ARHGAP32: variants seen among roughly 807,000 people sequenced by gnomAD.
The protein encoded by ARHGAP32 is Rho GTPase activating protein 32.
A neutral mutation model predicts 186.5 loss-of-function variants in ARHGAP32; 51 were observed. The ratio of observed to expected loss-of-function variants is 0.27; its 90% CI spans 0.22 to 0.35. ARHGAP32 has a LOEUF of 0.35. ARHGAP32 is among the 10% of genes least tolerant of loss of function. The probability of loss-of-function intolerance (pLI) is 1.00; values close to 1 mark genes in which losing one functional copy is unlikely to be tolerated. For synonymous variants in ARHGAP32, 950 were observed against 964.3 expected (o/e 0.99, Z 0.27); for missense variants, 2,186 against 2,623.5 (o/e 0.83, Z 3.64).
chr11:129,157,943 T>G (rs1383936067), intron 2 of ARHGAP32, among the ~76,000 whole-genome samples: 1 of 152,036 alleles, frequency 6.6e-6, no homozygotes, highest in Non-Finnish European at 1.5e-5. Context: ...TAAAAAGAAT[T>G]TTCAACCCAG....
In ARHGAP32 at chr11:128,986,681, G is replaced by A. The variant is rs1444013261; in HGVS notation, c.1299-13C>T. 31 of 1,612,738 alleles carry A rather than the reference G, an allele frequency of 1.9e-5. No homozygotes were observed. Among genetic ancestry groups the A allele is most frequent in the Non-Finnish European group, 2.4e-5 (28 of 1,179,106 alleles). ...GTCAAATTCATGGCTGACGTAGACA[G>A]AAGAGGACAAGCAAATCATTTGATT... On this transcript the variant is annotated splice_polypyrimidine_tract_variant and intron_variant, in intron 13 of 22. Transcript: ENST00000682385.
chr11:129,102,792 T>C (rs1190016348), intron 5 of ARHGAP32, among the ~76,000 whole-genome samples: 2 of 152,110 alleles, frequency 1.3e-5, no homozygotes, highest in Non-Finnish European at 2.9e-5. Flanking sequence ...GAAAAGAGAA[T>C]GGTGGTCCTC....
chr11:129,260,743 T>C (rs1278425807), intron 1 of ARHGAP32, among the ~76,000 whole-genome samples: 2 of 152,120 alleles, frequency 1.3e-5, no homozygotes, highest in Admixed American at 6.6e-5. Flanking sequence ...TCCAAAATCT[T>C]AGCACAATAA....
intron 11 of ARHGAP32, among the ~76,000 whole-genome samples, chr11:129,025,990 T>G (rs921755283): frequency 6.6e-6 from 1 of 151,676 alleles, no homozygotes; most frequent in Non-Finnish European, 1.5e-5. Context: ...TAGGAATAAC[T>G]GTATTCCACA....
Position 128,969,369 on chromosome 11 carries a change from A to C in ARHGAP32, c.5844T>G (p.Ser1948=). 2.5e-6 allele frequency: 4 copies of C among 1,614,196 alleles called. No individual in the cohort carries two copies. In the East Asian group the frequency reaches 8.9e-5, roughly 36 times the overall value. The change falls in exon 23 of 23, where the codon TCT becomes TCG. Residue 1948 remains serine, a synonymous_variant. Transcript: ENST00000682385. This position sits in a 1 kb window ranked among gnomAD's most constrained non-coding sequence, Gnocchi z 4.8. ...GVKYAASGQE[S]LRLNHKEVRL... ...TTACCTCTTTGTGGTTCAGTCTTAA[A>C]GATTCTTGCCCGGATGCAGCATATT...
chr11:128,986,429 T>C (rs1436225286), intron 14 of ARHGAP32, 95 bp downstream of exon 14: 2 of 1,360,454 alleles, frequency 1.5e-6, no homozygotes, highest in African/African-American at 2.9e-5. Context: ...CACAGAACTA[T>C]TTCTTACATG....
chr11:129,234,969 T>A (rs1944909065), intron 1 of ARHGAP32, among the ~76,000 whole-genome samples: 1 of 152,146 alleles, frequency 6.6e-6, no homozygotes, highest in African/African-American at 2.4e-5. Context: ...TCCTAATACC[T>A]GGACCCTGTA....
At position 129,068,572 on chromosome 11, in the gene ARHGAP32, A is replaced by T. The variant is rs541023584; in HGVS notation, c.532-1704T>A. ...CCAAATCCTTGCAATTCTTGGCATC[A>T]TCAGAATTTACAGCACTGCTAACCA... On this transcript the variant is annotated intron_variant, in intron 6 of 22. Transcript: ENST00000682385. 4.6e-5 allele frequency among the ~76,000 whole-genome samples: 7 copies of T among 152,206 alleles called. No individual in the cohort carries two copies. The East Asian group carries it at 1.2e-3, about 25-fold the overall frequency.
At chr11:128,987,253 GTTAA>G (rs1251219885) in intron 13 of ARHGAP32, among the ~76,000 whole-genome samples, 1 of 152,170 alleles carries the variant, frequency 6.6e-6, no homozygotes, top group Admixed American at 6.5e-5. Context: ...TCTCCAGGAG[GTTAA>G]TTAATATTCA....
intron 1 of ARHGAP32, among the ~76,000 whole-genome samples, chr11:129,167,001 G>A (rs1194463166): frequency 1.3e-5 from 2 of 152,060 alleles, no homozygotes; most frequent in Non-Finnish European, 2.9e-5. Flanking sequence ...TCAAATATAT[G>A]TTGCAGTCTC....
intron 6 of ARHGAP32, among the ~76,000 whole-genome samples, chr11:129,074,896 T>C (rs1940988444): frequency 2.0e-5 from 3 of 152,300 alleles, no homozygotes; most frequent in Non-Finnish European, 4.4e-5. Flanking sequence ...ATCATAAGTG[T>C]TCTCACCACA....
intron 1 of ARHGAP32, among the ~76,000 whole-genome samples, chr11:129,218,989 G>A (rs969230181): frequency 6.6e-5 from 10 of 152,114 alleles, no homozygotes; most frequent in Non-Finnish European, 1.3e-4. Flanking sequence ...TGAGAGCCAC[G>A]GCCAACCCTT....
chr11:128,996,616 TTTAA>T (rs1946207460), intron 12 of ARHGAP32, among the ~76,000 whole-genome samples: 2 of 151,998 alleles, frequency 1.3e-5, no homozygotes, highest in Non-Finnish European at 3.0e-5. Context: ...AAAACTGCTA[TTTAA>T]TTATCTCAGT....
intron 1 of ARHGAP32, among the ~76,000 whole-genome samples, chr11:129,258,071 T>C (rs1945277550): frequency 1.3e-5 from 2 of 152,182 alleles, no homozygotes; most frequent in Non-Finnish European, 2.9e-5. Context: ...TGTAATACAT[T>C]TCATGTTAAG....
At chr11:129,216,618 C>G (rs1944649424) in intron 1 of ARHGAP32, among the ~76,000 whole-genome samples, 1 of 146,358 alleles carries the variant, frequency 6.8e-6, no homozygotes. Context: ...CTGCAGTGAG[C>G]CAAGATTGCG....
At chr11:129,036,357 G>A (rs1285212400) in intron 11 of ARHGAP32, among the ~76,000 whole-genome samples, 4 of 108,876 alleles carry the variant, frequency 3.7e-5, no homozygotes, top group African/African-American at 1.1e-4. Context: ...TCCAGCCTGG[G>A]CAACAAGAGC....
rs369896801 is a variant in ARHGAP32 at position 128,972,442 on chromosome 11, C to A, written c.4053+11G>T. 13 of 1,508,986 alleles carry A rather than the reference C, an allele frequency of 8.6e-6. No individual in the cohort carries two copies. In the East Asian group the frequency reaches 2.7e-4, roughly 32 times the overall value. 93.5% of individuals were successfully genotyped at this position (1,508,986 alleles called of 1,614,324 possible). On this transcript the variant is annotated intron_variant, in intron 22 of 22. Coordinates refer to ENST00000682385, the MANE Select transcript of ARHGAP32 (RefSeq NM_001378024.1). The stretch of plus-strand genomic sequence containing the variant: ...GTATATTTCATCTCACTGATATCTT[C>A]CCCTTCTTACCTTGTGGGAATTATT...
intron 12 of ARHGAP32, among the ~76,000 whole-genome samples, chr11:128,989,516 T>TCACA (rs56090706): frequency 0.065 from 9,060 of 138,930 alleles, 438 homozygotes; most frequent in East Asian, 0.13. Flanking sequence ...GTTTTTTATT[T>TCACA]CACACACACA....
At chr11:129,045,823 T>C (rs1220286321) in intron 10 of ARHGAP32, among the ~76,000 whole-genome samples, 18 of 151,930 alleles carry the variant, frequency 1.2e-4, no homozygotes, top group Non-Finnish European at 1.5e-5. Context: ...AGGAAGAGAA[T>C]GGAAGATGGA....
Sources: gnomAD v4.1 joint callset for allele counts (sites outside exome capture counted in the v4.1 genomes callset) on GRCh38, gnomAD v4.1.1 for gene constraint, Gnocchi (gnomAD v3.1) non-coding constraint, MANE v1.5 for transcripts, NCBI Gene and HGNC (gene_info 2026-07-23, HGNC 2026-07-21) for gene names.